Variants in MRTFB observed in about 807,000 individuals in gnomAD.
The protein encoded by MRTFB is myocardin-related transcription factor B.
In MRTFB, 29 loss-of-function variants were observed where a neutral mutation model predicts 104.2. The ratio of observed to expected loss-of-function variants is 0.28; its 90% CI spans 0.21 to 0.38. MRTFB has a LOEUF of 0.38. Among genes scored for constraint, MRTFB ranks in the 10% least tolerant of loss-of-function variants. MRTFB has a pLI of 1.00. For missense variants in MRTFB, 1,270 were observed against 1,341.6 expected (o/e 0.95, Z 0.83); for synonymous variants, 535 against 519.5 (o/e 1.03, Z -0.41).
At chr16:14,220,819 G>A (rs1026547221) in intron 8 of MRTFB, among the ~76,000 whole-genome samples, 9 of 152,154 alleles carry the variant, frequency 5.9e-5, no homozygotes, top group African/African-American at 2.2e-4. Flanking sequence ...CACTTTACAG[G>A]ATGTTAACAG....
upstream of MRTFB, among the ~76,000 whole-genome samples, chr16:14,066,693 G>A (rs1013370256): frequency 3.9e-5 from 6 of 151,926 alleles, no homozygotes; most frequent in African/African-American, 1.2e-4. Flanking sequence ...TTTTTATAGA[G>A]ATGTGGTCTC....
chr16:14,140,591 C>CA lies in MRTFB; in HGVS notation c.-15dup. On this transcript the variant is annotated 5_prime_UTR_variant, in exon 3 of 17. Coordinates refer to ENST00000571589, the MANE Select transcript of MRTFB (RefSeq NM_001308142.2). ...AGAGGCGTCTTACACTCCCTGTTGCCAGTGGCTGGAACACAATGGATCACA... is the reference window on the plus strand; with the variant it reads ...AGAGGCGTCTTACACTCCCTGTTGCCAAGTGGCTGGAACACAATGGATCACA... The CA allele has an allele frequency of 1.2e-6, 2 of 1,613,900 alleles. No individual in the cohort carries two copies. The highest frequency in any genetic ancestry group is 1.7e-6 in the Non-Finnish European group (2 of 1,179,872).
intron 3 of MRTFB, chr16:14,187,140 A>G (rs367719353): frequency 1.1e-6 from 1 of 877,728 alleles, no homozygotes; most frequent in East Asian, 2.7e-5. Context: ...CTCTCTGTTC[A>G]CTCATGTACC....
chr16:14,235,400 A>G (rs1196512859), intron 9 of MRTFB, among the ~76,000 whole-genome samples: 2 of 152,156 alleles, frequency 1.3e-5, no homozygotes, highest in African/African-American at 2.4e-5. Flanking sequence ...ATCCCCACGC[A>G]TGCAACCCCG....
intron 9 of MRTFB, among the ~76,000 whole-genome samples, chr16:14,237,200 C>T (rs1436034051): frequency 2.0e-5 from 3 of 152,128 alleles, no homozygotes; most frequent in South Asian, 2.1e-4. Flanking sequence ...CCATGAAACC[C>T]GGTTAAATTA....
intron 2 of MRTFB, among the ~76,000 whole-genome samples, chr16:14,094,377 T>A (rs984289470): frequency 6.6e-6 from 1 of 152,226 alleles, no homozygotes; most frequent in African/African-American, 2.4e-5. Context: ...TGCATTTGTT[T>A]AAATGTGGGT....
chr16:14,046,197 A>T, the MRTFB span, among the ~76,000 whole-genome samples: 1 of 152,098 alleles, frequency 6.6e-6, no homozygotes, highest in African/African-American at 2.4e-5. Context: ...GTGGTGGTGC[A>T]TGCTTATAGT....
At chr16:14,006,163 T>G in the MRTFB span, among the ~76,000 whole-genome samples, 3 of 152,212 alleles carry the variant, frequency 2.0e-5, no homozygotes, top group South Asian at 6.2e-4. Flanking sequence ...ACCAACATGA[T>G]GAAAACTTGT....
At chr16:14,031,894 G>A in the MRTFB span, among the ~76,000 whole-genome samples, 10 of 152,094 alleles carry the variant, frequency 6.6e-5, no homozygotes, top group East Asian at 1.9e-4. Context: ...TGCAACCTCC[G>A]TCTCCCGGGT....
intron 2 of MRTFB, among the ~76,000 whole-genome samples, chr16:14,129,446 C>T (rs959900171): frequency 6.6e-6 from 1 of 152,130 alleles, no homozygotes; most frequent in Non-Finnish European, 1.5e-5. Flanking sequence ...TTTGTTTATC[C>T]GTTCACTAGT....
intron 2 of MRTFB, among the ~76,000 whole-genome samples, chr16:14,111,589 G>C (rs1212211626): frequency 6.6e-6 from 1 of 152,196 alleles, no homozygotes; most frequent in Admixed American, 6.5e-5. Flanking sequence ...GACCTGCATG[G>C]GCAAACTGAG....
In MRTFB at chr16:14,251,892, G is replaced by C; in HGVS notation, c.2434G>C (p.Val812Leu). 1 of 1,614,176 alleles carries C rather than the reference G, an allele frequency of 6.2e-7. No homozygotes were observed. The highest frequency in any genetic ancestry group is 8.5e-7 in the Non-Finnish European group (1 of 1,180,032). The change falls in exon 14 of 17, where the codon GTT (valine) becomes CTT (leucine). Residue 812 changes from valine to leucine, a missense_variant. Physicochemically the swap from Val to Leu is conservative, Grantham distance 32. This residue lies in a region of MRTFB where 1,144 missense variants were observed against 1,131.5 expected (regional missense o/e 1.01). Coordinates refer to ENST00000571589, the MANE Select transcript of MRTFB (RefSeq NM_001308142.2). ...CACAAACTCAGCATCATCAAATACA[G>C]TTCTTCCATATCAGAGACATCCTGC... Reference protein sequence around the residue: ...VFTNSASSNTVLPYQRHPAPA... With the variant: ...VFTNSASSNTLLPYQRHPAPA...
intron 8 of MRTFB, among the ~76,000 whole-genome samples, chr16:14,220,547 G>A (rs1325842536): frequency 2.0e-5 from 3 of 152,156 alleles, no homozygotes; most frequent in East Asian, 1.9e-4. Flanking sequence ...TAATTGAGAC[G>A]CTTTAACAAG....
chr16:14,016,498 C>A, the MRTFB span, among the ~76,000 whole-genome samples: 32 of 152,136 alleles, frequency 2.1e-4, no homozygotes, highest in East Asian at 3.5e-3. Context: ...CTAGGCTGGG[C>A]GCGGTGGCTC....
At chr16:14,226,949 C>A (rs772798654) in intron 8 of MRTFB, among the ~76,000 whole-genome samples, 1 of 151,012 alleles carries the variant, frequency 6.6e-6, no homozygotes, top group Non-Finnish European at 1.5e-5. Flanking sequence ...CACTGCACTC[C>A]AGCCTGGGGG....
At chr16:14,106,359 A>C (rs1225537309) in intron 2 of MRTFB, among the ~76,000 whole-genome samples, 1 of 152,232 alleles carries the variant, frequency 6.6e-6, no homozygotes. Flanking sequence ...GGGAAACTGC[A>C]TAGGTAAGGG....
chr16:14,236,008 C>T (rs2042485084), intron 9 of MRTFB, among the ~76,000 whole-genome samples: 1 of 152,068 alleles, frequency 6.6e-6, no homozygotes, highest in Non-Finnish European at 1.5e-5. Context: ...GGCAAAACCC[C>T]ATCTCTATAA....
At chr16:14,189,747 T>C (rs904657027) in intron 3 of MRTFB, among the ~76,000 whole-genome samples, 6 of 152,222 alleles carry the variant, frequency 3.9e-5, no homozygotes, top group Non-Finnish European at 8.8e-5. Context: ...TTTAACTTTT[T>C]AATCACATAG....
In MRTFB at chr16:14,140,717, G is replaced by C. The variant is rs202018440; in HGVS notation, c.111G>C (p.Leu37Phe). ...CTCATGAATTCCAGGAACTCTCCTT[G>C]CAGTCCAGTCAAAACTTACCCCCTC... The part of the protein sequence containing the change: ...AVAHEFQELS[L>F]QSSQNLPPLN... The change falls in exon 3 of 17, where the codon TTG (leucine) becomes TTC (phenylalanine). Residue 37 changes from leucine (L) to phenylalanine (F), a missense_variant. Leu to Phe is a conservative substitution (Grantham distance 22). Transcript: ENST00000571589. The C allele has an allele frequency of 2.5e-6, 4 of 1,614,038 alleles. No homozygotes were observed. Among genetic ancestry groups the C allele is most frequent in the Non-Finnish European group, 3.4e-6 (4 of 1,180,044 alleles).
Sources: gnomAD v4.1 joint callset for allele counts (sites outside exome capture counted in the v4.1 genomes callset) on GRCh38, gnomAD v4.1.1 for gene constraint, gnomAD v4.1.1 regional missense constraint, MANE v1.5 for transcripts, NCBI Gene and HGNC (gene_info 2026-07-23, HGNC 2026-07-21) for gene names.